CNTNAP5: variants seen among roughly 807,000 people sequenced by gnomAD.
CNTNAP5 encodes the protein contactin associated protein family member 5.
CNTNAP5 carries 72 observed loss-of-function variants against 150.2 expected under a neutral mutation model. That is an observed-to-expected ratio of 0.48 (90% CI 0.40 to 0.58). The LOEUF is 0.58. CNTNAP5 is among the 20% of genes least tolerant of loss of function. CNTNAP5 has a pLI of 0.00. For missense variants in CNTNAP5, 1,636 were observed against 1,626.2 expected (o/e 1.01, Z -0.10); for synonymous variants, 672 against 619.8 (o/e 1.08, Z -1.25).
intron 4 of CNTNAP5, among the ~76,000 whole-genome samples, chr2:124,426,998 C>T (rs1401921969): frequency 6.6e-6 from 1 of 152,026 alleles, no homozygotes; most frequent in Non-Finnish European, 1.5e-5. Context: ...AGAAGACTGC[C>T]AATGTATCAG....
At chr2:124,090,135 G>C (rs1042303071) in intron 1 of CNTNAP5, among the ~76,000 whole-genome samples, 1 of 152,186 alleles carries the variant, frequency 6.6e-6, no homozygotes, top group African/African-American at 2.4e-5. Context: ...AAAATATCCT[G>C]CATGTGAGAA....
chr2:124,603,894 CTA>C (rs1260703491), intron 11 of CNTNAP5, among the ~76,000 whole-genome samples: 1 of 152,046 alleles, frequency 6.6e-6, no homozygotes, highest in Non-Finnish European at 1.5e-5. Context: ...ATCAAAGTGA[CTA>C]TTATTTTTTA....
chr2:124,324,940 C>G (rs536627796), intron 3 of CNTNAP5, among the ~76,000 whole-genome samples: 1 of 152,252 alleles, frequency 6.6e-6, no homozygotes, highest in Admixed American at 6.5e-5. Context: ...GTGAAATGCT[C>G]TTTTATTCTA....
Position 124,063,491 on chromosome 2 carries a change from G to T in CNTNAP5, c.82+37759G>T, listed in dbSNP as rs1238467601. ...GCCAGCCATAAAATAAGAAGGTCTG[G>T]TTCTTGTTCTTACTGAGTTATAATT... On this transcript the variant is annotated intron_variant, in intron 1 of 23. Coordinates refer to ENST00000682447, the MANE Select transcript of CNTNAP5 (RefSeq NM_001367498.1). 2.0e-5 allele frequency among the ~76,000 whole-genome samples: 3 copies of T among 152,184 alleles called. No homozygotes were observed. The East Asian group carries it at 5.8e-4, about 29-fold the overall frequency.
At chr2:124,412,725 C>T (rs375219637) in intron 3 of CNTNAP5, among the ~76,000 whole-genome samples, 1 of 110,496 alleles carries the variant, frequency 9.1e-6, no homozygotes, top group African/African-American at 4.1e-5. Context: ...ATACAAAAAT[C>T]AATTCAAGAT....
At chr2:124,036,572 G>A (rs1681227561) in intron 1 of CNTNAP5, among the ~76,000 whole-genome samples, 1 of 152,030 alleles carries the variant, frequency 6.6e-6, no homozygotes, top group Non-Finnish European at 1.5e-5. Flanking sequence ...TAATGCCTCT[G>A]ATTCTGCAAC....
chr2:124,747,860 A>G (rs1680643419), intron 14 of CNTNAP5, among the ~76,000 whole-genome samples: 1 of 113,630 alleles, frequency 8.8e-6, no homozygotes, highest in African/African-American at 3.5e-5. Context: ...GATGGTCTTG[A>G]TATCTTGACC....
rs1695584967 is a variant in CNTNAP5 at position 124,549,514 on chromosome 2, CA to C, written c.1650-13702del. On this transcript the variant is annotated intron_variant, in intron 10 of 23. Coordinates refer to ENST00000682447, the MANE Select transcript of CNTNAP5 (RefSeq NM_001367498.1). ...GGTCTATGAAAATAATTCTTTGATC[CA>C]GGGGGAGGAGTGTCAAAATTTGCAG... Among the ~76,000 whole-genome samples the C allele has an allele frequency of 2.0e-5, 3 of 151,898 alleles. No homozygotes were observed. In the South Asian group the frequency reaches 6.2e-4, roughly 32 times the overall value.
intron 6 of CNTNAP5, among the ~76,000 whole-genome samples, chr2:124,466,385 C>T (rs2104825926): frequency 6.6e-6 from 1 of 152,182 alleles, no homozygotes; most frequent in South Asian, 2.1e-4. Flanking sequence ...CACTAGTATG[C>T]TTGCATTGTT....
At chr2:124,428,386 C>T (rs375492891) in intron 4 of CNTNAP5, among the ~76,000 whole-genome samples, 6 of 152,182 alleles carry the variant, frequency 3.9e-5, no homozygotes, top group African/African-American at 1.4e-4. Flanking sequence ...GCAGGGACCT[C>T]TGTAGAGCTT....
At chr2:124,300,136 G>A (rs1015833169) in intron 3 of CNTNAP5, among the ~76,000 whole-genome samples, 1 of 152,158 alleles carries the variant, frequency 6.6e-6, no homozygotes. Context: ...TTTCTTAGAG[G>A]TGAGACAGCA....
chr2:124,379,358 C>A (rs1229314275), intron 3 of CNTNAP5, among the ~76,000 whole-genome samples: 1 of 152,110 alleles, frequency 6.6e-6, no homozygotes, highest in East Asian at 1.9e-4. Flanking sequence ...TGACCCCCAG[C>A]AGCTGCTGAC....
chr2:124,056,175 T>A lies in CNTNAP5; in HGVS notation c.82+30443T>A, dbSNP rs530206699. ...CCTCTCTTATATACTCTTCCACTTA[T>A]TGGATACAAGTTCGCTGATTATTTC... On this transcript the variant is annotated intron_variant, in intron 1 of 23. Transcript: ENST00000682447. Among the ~76,000 whole-genome samples the A allele has an allele frequency of 3.9e-5, 6 of 152,322 alleles. No homozygotes were observed. The East Asian group carries it at 1.2e-3, about 29-fold the overall frequency.
At position 124,714,035 on chromosome 2, in the gene CNTNAP5, C is replaced by T. The variant is rs143230657; in HGVS notation, c.2078-33194C>T. Reference sequence around the variant, plus strand: ...ATTTGGCCAAGAATGTCTTTAGGCTCTTTTTTTCCCCCCAAACATAGTATG... The same window carrying T: ...ATTTGGCCAAGAATGTCTTTAGGCTTTTTTTTTCCCCCCAAACATAGTATG... On this transcript the variant is annotated intron_variant, in intron 13 of 23. Transcript: ENST00000682447. Among the ~76,000 whole-genome samples, 165 of 152,160 alleles carry T rather than the reference C, an allele frequency of 1.1e-3. 1 individual carries two copies. The highest frequency in any genetic ancestry group is 3.0e-3 in the African/African-American group (124 of 41,528).
intron 6 of CNTNAP5, among the ~76,000 whole-genome samples, chr2:124,467,895 G>A (rs1349789441): frequency 6.6e-6 from 1 of 152,080 alleles, no homozygotes; most frequent in Non-Finnish European, 1.5e-5. Context: ...CCTTGATGAT[G>A]AATAATAATT....
At chr2:124,706,998 GGAA>G (rs1242348393) in intron 13 of CNTNAP5, among the ~76,000 whole-genome samples, 82 of 49,464 alleles carry the variant, frequency 1.7e-3, no homozygotes, top group Admixed American at 5.4e-3. Context: ...AAGGAGAAGA[GGAA>G]GAAGAAGGAG....
chr2:124,760,585 T>C (rs1680936173), intron 14 of CNTNAP5, among the ~76,000 whole-genome samples: 1 of 152,134 alleles, frequency 6.6e-6, no homozygotes, highest in Non-Finnish European at 1.5e-5. Context: ...AATTTTTTTC[T>C]TGCCACATGC....
intron 4 of CNTNAP5, among the ~76,000 whole-genome samples, chr2:124,429,377 G>GAA (rs1387439108): frequency 1.3e-5 from 2 of 151,806 alleles, no homozygotes; most frequent in African/African-American, 4.8e-5. Flanking sequence ...AGAAAGTGTT[G>GAA]AAAAAAATCA....
chr2:124,433,517 C>T (rs750018825), intron 4 of CNTNAP5, among the ~76,000 whole-genome samples: 2 of 151,954 alleles, frequency 1.3e-5, no homozygotes, highest in Admixed American at 6.5e-5. Flanking sequence ...CTGAATAATA[C>T]AAAAATTGAG....
Sources: allele counts gnomAD v4.1 joint callset (sites outside exome capture counted in the v4.1 genomes callset), GRCh38; gene constraint gnomAD v4.1.1; transcripts MANE v1.5; gene names NCBI Gene and HGNC (gene_info 2026-07-23, HGNC 2026-07-21).